The following METTL15 variants were observed in gnomAD, a reference collection of about 807,000 sequenced individuals.
The protein encoded by METTL15 is 12S rRNA N(4)-cytidine methyltransferase METTL15.
METTL15 carries 34 observed loss-of-function variants against 38.3 expected under a neutral mutation model. The ratio of observed to expected loss-of-function variants is 0.89; its 90% CI spans 0.68 to 1.18. METTL15 has a LOEUF of 1.18. Ranked by LOEUF, METTL15 falls within the 50% of genes most tolerant of loss-of-function variation. METTL15 has a pLI of 0.00. For synonymous variants in METTL15, 162 were observed against 170.9 expected (o/e 0.95, Z 0.41); for missense variants, 438 against 498.4 (o/e 0.88, Z 1.15).
At chr11:28,413,663 G>A (rs2133414791) in intron 5 of METTL15, among the ~76,000 whole-genome samples, 1 of 152,198 alleles carries the variant, frequency 6.6e-6, no homozygotes, top group South Asian at 2.1e-4. Flanking sequence ...GGAATAGGAG[G>A]CAATGTCTCT....
chr11:28,508,084 T>C (rs1351442611), intron 6 of METTL15, among the ~76,000 whole-genome samples: 1 of 152,190 alleles, frequency 6.6e-6, no homozygotes, highest in East Asian at 1.9e-4. Context: ...TGTACTACAG[T>C]TGTAAAATGC....
At chr11:28,180,883 T>C (rs1031842434) in intron 3 of METTL15, among the ~76,000 whole-genome samples, 3 of 151,836 alleles carry the variant, frequency 2.0e-5, no homozygotes, top group African/African-American at 7.2e-5. Context: ...GTTATCAGTT[T>C]ATTTTCAGTT....
intron 5 of METTL15, among the ~76,000 whole-genome samples, chr11:28,412,168 A>G (rs868171321): frequency 2.0e-5 from 3 of 152,002 alleles, no homozygotes; most frequent in East Asian, 1.9e-4. Context: ...TATAGCCATT[A>G]TGGAAAACTG....
At chr11:28,270,913 G>A (rs1355062529) in intron 4 of METTL15, among the ~76,000 whole-genome samples, 1 of 152,086 alleles carries the variant, frequency 6.6e-6, no homozygotes, top group Non-Finnish European at 1.5e-5. Flanking sequence ...CACTGCCTCA[G>A]TTTCTTCATC....
chr11:28,250,793 A>G (rs767572719), intron 4 of METTL15, among the ~76,000 whole-genome samples: 10 of 152,016 alleles, frequency 6.6e-5, no homozygotes, highest in Admixed American at 2.0e-4. Flanking sequence ...TCTTGTTATC[A>G]GTGACCTTTG....
At chr11:28,193,923 T>A (rs896628892) in intron 3 of METTL15, among the ~76,000 whole-genome samples, 3 of 152,104 alleles carry the variant, frequency 2.0e-5, no homozygotes, top group African/African-American at 4.8e-5. Context: ...GTATTCTTTG[T>A]ATTTTTCTAT....
intron 4 of METTL15, among the ~76,000 whole-genome samples, chr11:28,268,140 T>C (rs957167815): frequency 5.7e-5 from 7 of 123,102 alleles, no homozygotes; most frequent in Non-Finnish European, 7.8e-5. Context: ...GAGCTTGCAG[T>C]GAGCCGAGAT....
chr11:28,229,453 C>G (rs531302403), intron 4 of METTL15, among the ~76,000 whole-genome samples: 1 of 152,080 alleles, frequency 6.6e-6, no homozygotes, highest in South Asian at 2.1e-4. Context: ...GTGCAATGCT[C>G]TGAATATTGG....
intron 3 of METTL15, among the ~76,000 whole-genome samples, chr11:28,128,917 A>G (rs1852619329): frequency 6.6e-6 from 1 of 152,334 alleles, no homozygotes; most frequent in South Asian, 2.1e-4. Context: ...TGTATAAATT[A>G]GCCTTTGATG....
intron 5 of METTL15, among the ~76,000 whole-genome samples, chr11:28,407,539 G>A (rs563462963): frequency 6.6e-6 from 1 of 152,146 alleles, no homozygotes; most frequent in Non-Finnish European, 1.5e-5. Context: ...CATTTATGTG[G>A]CCAAAAAGAA....
At chr11:28,216,061 CAA>C (rs1256622617) in intron 4 of METTL15, among the ~76,000 whole-genome samples, 1 of 151,918 alleles carries the variant, frequency 6.6e-6, no homozygotes, top group African/African-American at 2.4e-5. Context: ...AGAAAGAATA[CAA>C]ATGAAAAGAG....
chr11:28,469,480 T>C (rs1851285456), intron 6 of METTL15, among the ~76,000 whole-genome samples: 1 of 152,150 alleles, frequency 6.6e-6, no homozygotes, highest in Admixed American at 6.6e-5. Flanking sequence ...TTACTAATTG[T>C]AGTCACCATG....
At chr11:28,112,155 C>G (rs1851745976) in intron 2 of METTL15, among the ~76,000 whole-genome samples, 1 of 152,100 alleles carries the variant, frequency 6.6e-6, no homozygotes, top group Non-Finnish European at 1.5e-5. Context: ...GAAAGACAGA[C>G]ATATTTAAGT....
intron 4 of METTL15, among the ~76,000 whole-genome samples, chr11:28,237,915 G>A (rs1277341514): frequency 2.7e-4 from 41 of 152,138 alleles, no homozygotes; most frequent in Admixed American, 1.3e-4. Context: ...CTGCAGAACC[G>A]CGGATTTTCG....
chr11:28,171,718 TTGAG>T (rs1284077381), intron 3 of METTL15, among the ~76,000 whole-genome samples: 1 of 152,052 alleles, frequency 6.6e-6, no homozygotes, highest in Non-Finnish European at 1.5e-5. Context: ...CTTTCATAAT[TTGAG>T]TATTTATATA....
chr11:28,129,702 G>A (rs1014722047), intron 3 of METTL15, among the ~76,000 whole-genome samples: 3 of 152,092 alleles, frequency 2.0e-5, no homozygotes, highest in African/African-American at 7.2e-5. Flanking sequence ...GAGTCACTGC[G>A]CTCAGCCCCT....
chr11:28,199,103 C>T (rs1852012862), intron 3 of METTL15, among the ~76,000 whole-genome samples: 1 of 151,828 alleles, frequency 6.6e-6, no homozygotes, highest in Non-Finnish European at 1.5e-5. Context: ...CCAGGTTGAC[C>T]TTGTTTGGAG....
intron 6 of METTL15, among the ~76,000 whole-genome samples, chr11:28,449,506 C>G (rs1250368854): frequency 6.6e-6 from 1 of 152,170 alleles, no homozygotes; most frequent in East Asian, 1.9e-4. Context: ...GCAACAAGAG[C>G]AAATCCATAG....
intron 4 of METTL15, among the ~76,000 whole-genome samples, chr11:28,215,688 G>T (rs189036858): frequency 7.5e-4 from 114 of 152,264 alleles, no homozygotes; most frequent in African/African-American, 2.5e-3. Flanking sequence ...CATACAAGAA[G>T]ATTTGAACAA....
Sources: allele counts gnomAD v4.1 joint callset (sites outside exome capture counted in the v4.1 genomes callset), GRCh38; gene constraint gnomAD v4.1.1; transcripts MANE v1.5; gene names NCBI Gene and HGNC (gene_info 2026-07-23, HGNC 2026-07-21).